CNTNAP4: variants seen among roughly 807,000 people sequenced by gnomAD.
The protein encoded by CNTNAP4 is contactin associated protein family member 4, also known as contactin-associated protein-like 4.
In CNTNAP4, 98 loss-of-function variants were observed where a neutral mutation model predicts 148.4. That is an observed-to-expected ratio of 0.66 (90% CI 0.56 to 0.78). CNTNAP4 has a LOEUF of 0.78. CNTNAP4 is among the 30% of genes least tolerant of loss of function. The pLI is 0.00. For synonymous variants in CNTNAP4, 730 were observed against 565.1 expected (o/e 1.29, Z -4.14); for missense variants, 1,935 against 1,565.6 (o/e 1.24, Z -3.98).
chr16:76,542,313 C>G (rs1331591273), intron 21 of CNTNAP4, among the ~76,000 whole-genome samples: 1 of 152,186 alleles, frequency 6.6e-6, no homozygotes, highest in Non-Finnish European at 1.5e-5. Context: ...CTATCTAGCT[C>G]TGCCTATTTA....
At chr16:76,369,050 A>T (rs1290945486) in intron 3 of CNTNAP4, among the ~76,000 whole-genome samples, 1 of 139,592 alleles carries the variant, frequency 7.2e-6, no homozygotes, top group African/African-American at 3.0e-5. Flanking sequence ...TTTTTTGGTT[A>T]AAAAAAAAAG....
chr16:76,297,416 A>G (rs908488369), intron 1 of CNTNAP4, among the ~76,000 whole-genome samples: 2 of 152,302 alleles, frequency 1.3e-5, no homozygotes, highest in Admixed American at 6.5e-5. Flanking sequence ...ATAATAATGT[A>G]TTTAATTTAT....
Position 76,448,054 on chromosome 16 carries a change from A to G in CNTNAP4, c.581A>G (p.Tyr194Cys), listed in dbSNP as rs1376353889. 4 of 1,613,618 alleles carry G rather than the reference A, an allele frequency of 2.5e-6. No homozygotes were observed. Among genetic ancestry groups the G allele is most frequent in the Non-Finnish European group, 3.4e-6 (4 of 1,179,732 alleles). ...CTTGATGGAAAAAGTTCCCTTCTCT[A>G]CAGATTTGATCAAAAATCCCTGAGC... ...VDLDGKSSLL[Y>C]RFDQKSLSPI... Residue 194 changes from tyrosine to cysteine, a missense_variant, in exon 5 of 24, where the codon TAC (tyrosine) becomes TGC (cysteine). By Grantham distance (194) the Tyr-to-Cys change is radical. Transcript: ENST00000611870.
intron 9 of CNTNAP4, among the ~76,000 whole-genome samples, chr16:76,466,776 A>G (rs569499971): frequency 6.6e-6 from 1 of 152,122 alleles, no homozygotes; most frequent in Non-Finnish European, 1.5e-5. Flanking sequence ...AATATTTTTG[A>G]TATTAAGCCA....
At chr16:76,383,342 C>T (rs376408409) in intron 3 of CNTNAP4, among the ~76,000 whole-genome samples, 35 of 142,682 alleles carry the variant, frequency 2.5e-4, no homozygotes, top group African/African-American at 8.1e-4. Flanking sequence ...ATGTGTGCTT[C>T]GAAAGATTCT....
At chr16:76,502,849 A>T (rs1475611527) in intron 15 of CNTNAP4, among the ~76,000 whole-genome samples, 1 of 151,892 alleles carries the variant, frequency 6.6e-6, no homozygotes, top group South Asian at 2.1e-4. Flanking sequence ...TAGTATTTTC[A>T]TTTTCTCACA....
chr16:76,479,418 G>A lies in CNTNAP4; in HGVS notation c.1763-1G>A. ...ATTAATGATGATTTTTTTTCTTAAAGCTATCTATGAGCAGTCATGTGAAGC... is the reference window on the plus strand; with the variant it reads ...ATTAATGATGATTTTTTTTCTTAAAACTATCTATGAGCAGTCATGTGAAGC... On this transcript the variant is annotated splice_acceptor_variant, in intron 11 of 23. Transcript: ENST00000611870. LOFTEE classifies it high-confidence loss of function. The A allele has an allele frequency of 1.3e-6, 2 of 1,568,634 alleles. No homozygotes were observed. Among genetic ancestry groups the A allele is most frequent in the Non-Finnish European group, 1.7e-6 (2 of 1,158,690 alleles).
At chr16:76,375,782 C>G (rs2015355589) in intron 3 of CNTNAP4, among the ~76,000 whole-genome samples, 1 of 152,114 alleles carries the variant, frequency 6.6e-6, no homozygotes, top group Admixed American at 6.5e-5. Context: ...GTTGTGTGAG[C>G]CAAGAGTGAC....
At chr16:76,480,398 G>C (rs1391270092) in intron 12 of CNTNAP4, among the ~76,000 whole-genome samples, 2 of 152,066 alleles carry the variant, frequency 1.3e-5, no homozygotes, top group African/African-American at 4.8e-5. Context: ...AGATGTACAA[G>C]GTTTCTACAC....
At chr16:76,545,411 T>C (rs1218950993) in intron 21 of CNTNAP4, among the ~76,000 whole-genome samples, 2 of 152,186 alleles carry the variant, frequency 1.3e-5, no homozygotes, top group East Asian at 3.8e-4. Flanking sequence ...CATTACCTGA[T>C]TTTAATAGTA....
At chr16:76,355,779 GAAAT>G (rs78288034) in intron 3 of CNTNAP4, among the ~76,000 whole-genome samples, 19,874 of 151,600 alleles carry the variant, frequency 0.13, 2,004 homozygotes, top group East Asian at 0.47. Flanking sequence ...GGGAGTCTAA[GAAAT>G]AAATAAGACT....
rs367980667 is a variant in CNTNAP4, at chr16:76,493,663, A to G, written c.2081-1247A>G. ...AATGTTTTAAGCAGTATATTGAAATATATTTATTAAGTATTTCAAGCAATT... is the reference window on the plus strand; with the variant it reads ...AATGTTTTAAGCAGTATATTGAAATGTATTTATTAAGTATTTCAAGCAATT... On this transcript the variant is annotated intron_variant, in intron 13 of 23. Coordinates refer to ENST00000611870, the MANE Select transcript of CNTNAP4 (RefSeq NM_033401.5). 1.2e-4 allele frequency among the ~76,000 whole-genome samples: 19 copies of G among 152,296 alleles called. No homozygotes were observed. In the East Asian group the frequency reaches 3.5e-3, roughly 28 times the overall value.
chr16:76,322,191 C>T (rs1042747794), intron 2 of CNTNAP4, among the ~76,000 whole-genome samples: 29 of 152,220 alleles, frequency 1.9e-4, no homozygotes, highest in African/African-American at 6.3e-4. Context: ...TGCCTTCCTG[C>T]TGATTCAGGC....
intron 19 of CNTNAP4, 31 bp from the exon 20 acceptor site, chr16:76,539,688 C>A (rs772773052): frequency 1.3e-6 from 2 of 1,547,390 alleles, no homozygotes; most frequent in Non-Finnish European, 1.7e-6. Context: ...ACGATTTTTA[C>A]TAAAAGAATC....
chr16:76,519,635 A>G (rs1181452382), intron 15 of CNTNAP4, among the ~76,000 whole-genome samples: 1 of 152,210 alleles, frequency 6.6e-6, no homozygotes, highest in African/African-American at 2.4e-5. Flanking sequence ...CCCTGACTTG[A>G]TATTTTACAT....
intron 3 of CNTNAP4, among the ~76,000 whole-genome samples, chr16:76,375,015 C>A (rs1048975748): frequency 6.6e-6 from 1 of 151,996 alleles, no homozygotes; most frequent in Non-Finnish European, 1.5e-5. Flanking sequence ...GTGATCTGCC[C>A]GCCTTGGCCT....
chr16:76,357,295 G>T (rs1354249884), intron 3 of CNTNAP4, among the ~76,000 whole-genome samples: 1 of 152,132 alleles, frequency 6.6e-6, no homozygotes, highest in Non-Finnish European at 1.5e-5. Flanking sequence ...TAATATTTAG[G>T]TATGTTAATT....
chr16:76,340,099 T>C (rs189709926), intron 2 of CNTNAP4, among the ~76,000 whole-genome samples: 49 of 152,246 alleles, frequency 3.2e-4, no homozygotes, highest in Non-Finnish European at 4.6e-4. Flanking sequence ...TTGTGTTACA[T>C]GCTGCATCAA....
intron 3 of CNTNAP4, among the ~76,000 whole-genome samples, chr16:76,367,163 T>C (rs911282802): frequency 6.6e-6 from 1 of 151,970 alleles, no homozygotes; most frequent in African/African-American, 2.4e-5. Flanking sequence ...ATAAAATAGA[T>C]ACAGCATTGA....
Sources: allele counts gnomAD v4.1 joint callset (sites outside exome capture counted in the v4.1 genomes callset), GRCh38; gene constraint gnomAD v4.1.1; transcripts MANE v1.5; gene names NCBI Gene and HGNC (gene_info 2026-07-23, HGNC 2026-07-21).